MYH13: variants seen among roughly 807,000 people sequenced by gnomAD.
MYH13 encodes myosin-13.
A neutral mutation model predicts 232.1 loss-of-function variants in MYH13; 177 were observed. That is an observed-to-expected ratio of 0.76 (90% CI 0.67 to 0.86). MYH13 has a LOEUF of 0.86. Ranked by LOEUF, MYH13 falls within the 40% of genes least tolerant of loss-of-function variation. The probability of loss-of-function intolerance (pLI) is 0.00; values close to 1 mark genes in which losing one functional copy is unlikely to be tolerated. For missense variants in MYH13, 2,246 were observed against 2,405.9 expected, an observed-to-expected ratio of 0.93 and a Z score of 1.39; for synonymous variants, 884 against 923.5, an observed-to-expected ratio of 0.96 and a Z score of 0.78.
At position 10,350,683 on chromosome 17, in the gene MYH13, G is replaced by A. The variant is rs747812894; in HGVS notation, c.1017C>T (p.Asp339=). The stretch of plus-strand genomic sequence containing the variant: ...TCTCCTCTGAGCTGAAGCCCAGGAT[G>A]TCAATGGCATTCTGGAAAGAAAAAA... ...EELLATDNAI[D]ILGFSSEEKV... The change falls in exon 12 of 41, where the codon GAC becomes GAT. Residue 339 remains aspartate (D), a synonymous_variant. Coordinates refer to ENST00000252172, the MANE Select transcript of MYH13 (RefSeq NM_003802.3). 1.6e-5 allele frequency: 26 copies of A among 1,613,622 alleles called. No individual in the cohort carries two copies. Among genetic ancestry groups the A allele is most frequent in the Non-Finnish European group, 2.2e-5 (26 of 1,179,936 alleles).
In MYH13 at chr17:10,311,229, T is replaced by C; in HGVS notation, c.4532-2A>G. 6.2e-7 allele frequency: 1 copy of C among 1,613,982 alleles called. No individual in the cohort carries two copies. The highest frequency in any genetic ancestry group is 8.5e-7 in the Non-Finnish European group (1 of 1,179,894). ...GCTCAGTTAAGTCGGAAATCTCTTC[T>C]GCAAAGGACAGGCTTGATTTAGGCT... On this transcript the variant is annotated splice_acceptor_variant, in intron 32 of 40. Coordinates refer to ENST00000252172, the MANE Select transcript of MYH13 (RefSeq NM_003802.3). LOFTEE classifies it high-confidence loss of function.
At chr17:10,344,750 G>A (rs761227359) in intron 15 of MYH13, among the ~76,000 whole-genome samples, 6 of 150,788 alleles carry the variant, frequency 4.0e-5, no homozygotes, top group Non-Finnish European at 5.9e-5. Context: ...GAACCTGGGA[G>A]GTGGAGGTTG....
intron 7 of MYH13, among the ~76,000 whole-genome samples, chr17:10,358,127 A>G (rs906863015): frequency 1.3e-5 from 2 of 152,160 alleles, no homozygotes; most frequent in African/African-American, 4.8e-5. Context: ...ATAACATTTC[A>G]TTATAAATCA....
At chr17:10,352,330 A>G (rs1229909940) in intron 11 of MYH13, among the ~76,000 whole-genome samples, 1 of 152,154 alleles carries the variant, frequency 6.6e-6, no homozygotes, top group African/African-American at 2.4e-5. Context: ...GGTAGCTCAC[A>G]TCTGTAATCC....
Position 10,309,228 on chromosome 17 carries a change from A to C in MYH13, c.5169+6T>G, listed in dbSNP as rs561600634. The C allele has an allele frequency of 1.6e-4, 251 of 1,612,212 alleles. No individual in the cohort carries two copies. In the African/African-American group the frequency reaches 2.5e-3, roughly 16 times the overall value. ...ACCTTCAGCGGAGGAGTGAGGGCCG[A>C]CGCACCTGGGAGTGCAGGAGCTGCA... is the stretch of plus-strand genomic sequence containing the variant. On this transcript the variant is annotated splice_donor_region_variant and intron_variant, in intron 35 of 40. Coordinates refer to ENST00000252172, the MANE Select transcript of MYH13 (RefSeq NM_003802.3).
intron 18 of MYH13, among the ~76,000 whole-genome samples, chr17:10,338,645 T>C (rs2071594076): frequency 6.6e-6 from 1 of 151,640 alleles, no homozygotes; most frequent in Non-Finnish European, 1.5e-5. Context: ...TATGAGTGCT[T>C]ATTAAAGAAG....
intron 2 of MYH13, among the ~76,000 whole-genome samples, chr17:10,365,777 C>T (rs1035565501): frequency 6.6e-6 from 1 of 151,306 alleles, no homozygotes; most frequent in Admixed American, 6.6e-5. Flanking sequence ...TTGTGCGTGG[C>T]GGTGTCAGGG....
At chr17:10,332,591 C>T (rs1907447784) in intron 19 of MYH13, among the ~76,000 whole-genome samples, 1 of 152,208 alleles carries the variant, frequency 6.6e-6, no homozygotes, top group Non-Finnish European at 1.5e-5. Context: ...CCATCCTGGA[C>T]AAGGCCCGGA....
intron 18 of MYH13, 37 bp from the exon 19 acceptor site, chr17:10,333,228 C>G (rs760271333): frequency 4.3e-6 from 6 of 1,410,374 alleles, no homozygotes; most frequent in South Asian, 1.2e-5. Context: ...GCCTGTGACC[C>G]CTTCATTTGT....
chr17:10,369,303 C>T (rs1005600713), intron 2 of MYH13, among the ~76,000 whole-genome samples: 13 of 152,212 alleles, frequency 8.5e-5, no homozygotes, highest in African/African-American at 2.4e-4. Flanking sequence ...ACTTAGGAAG[C>T]GTGCTACATC....
chr17:10,333,230 T>A (rs202162068), intron 18 of MYH13, 39 bp from the exon 19 acceptor site: 42 of 1,400,422 alleles, frequency 3.0e-5, no homozygotes, highest in Admixed American at 4.0e-5. Context: ...CTGTGACCCC[T>A]TCATTTGTTG....
chr17:10,342,072 G>T (rs913404719), intron 16 of MYH13, among the ~76,000 whole-genome samples: 2 of 152,052 alleles, frequency 1.3e-5, no homozygotes, highest in Non-Finnish European at 2.9e-5. Flanking sequence ...TTGAGATAGG[G>T]TCTCACTCTG....
rs370780677 is a variant in MYH13, at chr17:10,303,190, G to A, written c.5667+6C>T. On this transcript the variant is annotated splice_donor_region_variant and intron_variant, in intron 39 of 40. Coordinates refer to ENST00000252172, the MANE Select transcript of MYH13 (RefSeq NM_003802.3). ...GTGGGCACTGCCGGGGACCTCCTGT[G>A]CTTACCGCCTCCTCAGCCTGCCTCT... is the stretch of plus-strand genomic sequence containing the variant. 263 of 1,612,266 alleles carry A rather than the reference G, an allele frequency of 1.6e-4. No individual in the cohort carries two copies. Among genetic ancestry groups the A allele is most frequent in the Non-Finnish European group, 2.2e-4 (257 of 1,179,770 alleles).
chr17:10,345,305 T>C lies in MYH13; in HGVS notation c.1481A>G (p.His494Arg), dbSNP rs1461395314. Residue 494 changes from histidine to arginine, a missense_variant, in exon 15 of 41, where the codon CAC becomes CGC. By Grantham distance (29) the His-to-Arg change is conservative. Coordinates refer to ENST00000252172, the MANE Select transcript of MYH13 (RefSeq NM_003802.3). ...CTCTTCCTGCTCCAGCACGAACATG[T>C]GGTGGTTGAAAAACTGTTGCAGTTT... is the stretch of plus-strand genomic sequence containing the variant. ...NEKLQQFFNH[H>R]MFVLEQEEYK... 1.9e-6 allele frequency: 3 copies of C among 1,614,006 alleles called. No individual in the cohort carries two copies. The highest frequency in any genetic ancestry group is 8.5e-7 in the Non-Finnish European group (1 of 1,180,042).
At chr17:10,338,474 GATA>G (rs368809512) in intron 18 of MYH13, among the ~76,000 whole-genome samples, 25 of 150,240 alleles carry the variant, frequency 1.7e-4, no homozygotes, top group Non-Finnish European at 1.5e-4. Flanking sequence ...AGTTCTGAGT[GATA>G]ATAATAATAA....
At chr17:10,322,557 T>C (rs1209572312) in intron 23 of MYH13, among the ~76,000 whole-genome samples, 1 of 151,988 alleles carries the variant, frequency 6.6e-6, no homozygotes, top group African/African-American at 2.4e-5. Context: ...TCCTAATCTA[T>C]GGGCTGAATC....
rs1365018092 is a variant in MYH13, at chr17:10,320,662, C to G, written c.3112-166G>C. On this transcript the variant is annotated intron_variant, in intron 24 of 40. Transcript: ENST00000252172. Reference sequence around the variant, plus strand: ...AGCAAGTCTTGCCCCTACCTCCCCTCTCTTCTGTCTTCCAGAAAAGACTAC... The same window carrying G: ...AGCAAGTCTTGCCCCTACCTCCCCTGTCTTCTGTCTTCCAGAAAAGACTAC... 4 of 748,200 alleles carry G rather than the reference C, an allele frequency of 5.3e-6. No individual in the cohort carries two copies. The Admixed American group carries it at 9.1e-5, about 17-fold the overall frequency. The allele number at this position is 748,200 out of a possible 1,614,324, so 46.3% of individuals were successfully genotyped here. A position where few individuals can be genotyped will look rare whatever the true frequency, so the allele number is the denominator to read the frequency against.
intron 31 of MYH13, among the ~76,000 whole-genome samples, 188 bp downstream of exon 31, chr17:10,312,386 G>A (rs1437315933): frequency 2.0e-5 from 3 of 152,234 alleles, no homozygotes; most frequent in African/African-American, 4.8e-5. Context: ...GGGAAATGAT[G>A]CTCCAACTGG....
At chr17:10,335,540 G>T (rs898439226) in intron 18 of MYH13, among the ~76,000 whole-genome samples, 1 of 152,164 alleles carries the variant, frequency 6.6e-6, no homozygotes, top group Non-Finnish European at 1.5e-5. Flanking sequence ...ATCGCCTGAG[G>T]TCAGGAGTTC....
Sources: gnomAD v4.1 joint callset for allele counts (sites outside exome capture counted in the v4.1 genomes callset) on GRCh38, gnomAD v4.1.1 for gene constraint, MANE v1.5 for transcripts, NCBI Gene and HGNC (gene_info 2026-07-23, HGNC 2026-07-21) for gene names.